Variants in ANK2 observed in about 807,000 individuals in gnomAD.
The protein encoded by ANK2 is ankyrin 2.
In ANK2, 83 loss-of-function variants were observed where a neutral mutation model predicts 360.5. The ratio of observed to expected loss-of-function variants is 0.23; its 90% CI spans 0.19 to 0.28. ANK2 has a LOEUF of 0.28. ANK2 is among the 10% of genes least tolerant of loss of function. The pLI is 1.00. For synonymous variants in ANK2, 1,740 were observed against 1,759.5 expected (o/e 0.99, Z 0.28); for missense variants, 4,201 against 4,795.7 (o/e 0.88, Z 3.66).
intron 24 of ANK2, among the ~76,000 whole-genome samples, chr4:113,317,015 T>C (rs1012787851): frequency 6.6e-6 from 1 of 152,212 alleles, no homozygotes; most frequent in Non-Finnish European, 1.5e-5. Flanking sequence ...ACCAACACTC[T>C]GGTGCTTCAG....
chr4:113,358,346 C>T lies in ANK2; in HGVS notation c.9728C>T (p.Ser3243Phe). ...IPPLSGVKQI[S>F]CPDSSEPAVQ... ...CCTCTCTCTGGTGTAAAGCAGATAT[C>T]CTGCCCCGACTCTTCTGAACCAGCT... Residue 3243 changes from serine (S) to phenylalanine (F), a missense_variant, in exon 38 of 46, where the codon TCC (serine) becomes TTC (phenylalanine). Coordinates refer to ENST00000357077, the MANE Select transcript of ANK2 (RefSeq NM_001148.6). 1 of 1,613,976 alleles carries T rather than the reference C, an allele frequency of 6.2e-7. No individual in the cohort carries two copies. The highest frequency in any genetic ancestry group is 8.5e-7 in the Non-Finnish European group (1 of 1,179,890).
chr4:113,285,503 C>A (rs2064100025), intron 18 of ANK2, among the ~76,000 whole-genome samples: 1 of 152,186 alleles, frequency 6.6e-6, no homozygotes, highest in Non-Finnish European at 1.5e-5. Context: ...GAAACACTTA[C>A]ATTCACAGTG....
At chr4:113,055,912 C>T (rs1488627176) in intron 1 of ANK2, among the ~76,000 whole-genome samples, 1 of 152,134 alleles carries the variant, frequency 6.6e-6, no homozygotes, top group African/African-American at 2.4e-5. Flanking sequence ...AGTGTTGCTG[C>T]CATTTTGCGT....
At chr4:113,151,053 C>G in intron 1 of ANK2, 1 of 1,277,624 alleles carries the variant, frequency 7.8e-7, no homozygotes, top group Non-Finnish European at 1.0e-6. Flanking sequence ...AGTAGCAAAT[C>G]TATTTATGGG....
At chr4:113,061,437 A>G (rs1274844913) in intron 1 of ANK2, among the ~76,000 whole-genome samples, 1 of 152,174 alleles carries the variant, frequency 6.6e-6, no homozygotes, top group African/African-American at 2.4e-5. Context: ...AGTTTGTCAA[A>G]ATGAGCAGAA....
chr4:113,089,866 A>T (rs1353235973), intron 1 of ANK2, among the ~76,000 whole-genome samples: 1 of 152,106 alleles, frequency 6.6e-6, no homozygotes, highest in East Asian at 1.9e-4. Context: ...ATAAAAAAAT[A>T]TATGAAACAA....
intron 1 of ANK2, among the ~76,000 whole-genome samples, chr4:113,152,525 T>A (rs2097134479): frequency 6.6e-6 from 1 of 152,256 alleles, no homozygotes; most frequent in Admixed American, 6.5e-5. Context: ...CACATTTGAT[T>A]GTCAAAATTT....
In ANK2 at chr4:113,264,959, C is replaced by G; in HGVS notation, c.1449C>G (p.Leu483=). The part of the protein sequence containing the change: ...RAGQVEVVRC[L]LRNGALVDAR... ...GGCAGGTGGAAGTGGTCCGATGCCT[C>G]CTGAGAAATGGTGCCCTTGTTGATG... Residue 483 remains leucine (L), a synonymous_variant, in exon 14 of 46, where the codon CTC becomes CTG. Transcript: ENST00000357077. The G allele has an allele frequency of 6.4e-7, 1 of 1,568,136 alleles. No homozygotes were observed. The highest frequency in any genetic ancestry group is 8.7e-7 in the Non-Finnish European group (1 of 1,155,422).
At chr4:112,987,538 G>C (rs1219871410) in intron 2 of ANK2, among the ~76,000 whole-genome samples, 1 of 152,098 alleles carries the variant, frequency 6.6e-6, no homozygotes, top group Non-Finnish European at 1.5e-5. Flanking sequence ...CTAATTGCTT[G>C]TGGCAGGACA....
chr4:113,299,375 A>G, intron 22 of ANK2, among the ~76,000 whole-genome samples: 1 of 152,250 alleles, frequency 6.6e-6, no homozygotes, highest in Non-Finnish European at 1.5e-5. Context: ...AGTCTAATAT[A>G]GTAGACATCC....
chr4:113,370,769 A>T (rs1183925740), intron 43 of ANK2, among the ~76,000 whole-genome samples: 1 of 152,182 alleles, frequency 6.6e-6, no homozygotes, highest in Non-Finnish European at 1.5e-5. Context: ...AAAAAAGAAA[A>T]AAAGAAATTG....
the ANK2 span, chr4:112,788,473 T>G: frequency 1.2e-6 from 2 of 1,600,130 alleles, no homozygotes; most frequent in Non-Finnish European, 1.7e-6. Context: ...TAACTCCTGC[T>G]CAAAGGACAG....
At chr4:113,023,933 G>T (rs929905549) in intron 2 of ANK2, among the ~76,000 whole-genome samples, 1 of 152,106 alleles carries the variant, frequency 6.6e-6, no homozygotes, top group Non-Finnish European at 1.5e-5. Context: ...CATTCTTATT[G>T]GGGACCCCTC....
At chr4:112,771,545 TAGG>T in the ANK2 span, among the ~76,000 whole-genome samples, 1 of 151,458 alleles carries the variant, frequency 6.6e-6, no homozygotes, top group Admixed American at 6.6e-5. Context: ...AGAAATATAA[TAGG>T]AGGACAAAAG....
At chr4:112,747,157 C>T in the ANK2 span, among the ~76,000 whole-genome samples, 38 of 152,286 alleles carry the variant, frequency 2.5e-4, no homozygotes, top group African/African-American at 8.2e-4. Flanking sequence ...TGAGGTGACA[C>T]ATTCTTTAGC....
At chr4:113,071,608 G>A (rs2077572772) in intron 1 of ANK2, among the ~76,000 whole-genome samples, 1 of 152,098 alleles carries the variant, frequency 6.6e-6, no homozygotes, top group Non-Finnish European at 1.5e-5. Flanking sequence ...CTCAACCCCA[G>A]GAGGATTCAT....
At chr4:113,145,866 G>A (rs2096810304) in intron 1 of ANK2, 1 of 1,289,732 alleles carries the variant, frequency 7.8e-7, no homozygotes, top group Non-Finnish European at 1.0e-6. Flanking sequence ...CTGTAGAGCT[G>A]AGATGGGGAA....
Position 113,214,147 on chromosome 4 carries a change from C to G in ANK2, c.384+15038C>G, listed in dbSNP as rs571842136. 22 of 712,092 alleles carry G rather than the reference C, an allele frequency of 3.1e-5. 2 individuals are homozygous for G. In the South Asian group the frequency reaches 3.3e-4, roughly 11 times the overall value. 44.1% of individuals were successfully genotyped at this position (712,092 alleles called of 1,614,324 possible). A position where few individuals can be genotyped will look rare whatever the true frequency, so the allele number is the denominator to read the frequency against. On this transcript the variant is annotated intron_variant, in intron 4 of 45. Coordinates refer to ENST00000357077, the MANE Select transcript of ANK2 (RefSeq NM_001148.6). ...GCTTCACGAGATCGATTCCTGACTACTTTGCTGTGAATTGCACAACTCACA... is the reference window on the plus strand; with the variant it reads ...GCTTCACGAGATCGATTCCTGACTAGTTTGCTGTGAATTGCACAACTCACA...
intron 29 of ANK2, among the ~76,000 whole-genome samples, chr4:113,335,595 C>T (rs1438209970): frequency 6.6e-6 from 1 of 152,190 alleles, no homozygotes; most frequent in Non-Finnish European, 1.5e-5. Context: ...TTATCTTTCT[C>T]AGTGACCTGG....
Sources: allele counts gnomAD v4.1 joint callset (sites outside exome capture counted in the v4.1 genomes callset), GRCh38; gene constraint gnomAD v4.1.1; transcripts MANE v1.5; gene names NCBI Gene and HGNC (gene_info 2026-07-23, HGNC 2026-07-21).